ATP2B4: variants seen among roughly 807,000 people sequenced by gnomAD.
The protein encoded by ATP2B4 is ATPase plasma membrane Ca2+ transporting 4.
A neutral mutation model predicts 110.3 loss-of-function variants in ATP2B4; 39 were observed. The observed-to-expected ratio is 0.35, with a 90% CI of 0.27 to 0.46. The LOEUF (loss-of-function observed/expected upper bound fraction) is 0.46. ATP2B4 is among the 20% of genes least tolerant of loss of function. ATP2B4 has a pLI of 1.00. For missense variants in ATP2B4, 1,135 were observed against 1,530.9 expected (o/e 0.74, Z 4.32); for synonymous variants, 538 against 571.7 (o/e 0.94, Z 0.84).
chr1:203,670,068 G>C (rs1406556907), intron 1 of ATP2B4, among the ~76,000 whole-genome samples: 2 of 152,210 alleles, frequency 1.3e-5, no homozygotes, highest in Non-Finnish European at 2.9e-5. Flanking sequence ...TAGTCCATGA[G>C]TTTTGGAAGC....
intron 20 of ATP2B4, chr1:203,728,211 C>T: frequency 2.1e-6 from 1 of 469,972 alleles, no homozygotes; most frequent in Non-Finnish European, 4.4e-6. Context: ...TTCTTCAAGC[C>T]TCTTCCCTTC....
At chr1:203,696,885 T>C (rs1665549406) in intron 2 of ATP2B4, among the ~76,000 whole-genome samples, 2 of 152,012 alleles carry the variant, frequency 1.3e-5, no homozygotes, top group African/African-American at 4.8e-5. Context: ...TGTATGTGGT[T>C]TGTGGTGTGT....
At chr1:203,680,844 T>C (rs940125590) in intron 1 of ATP2B4, among the ~76,000 whole-genome samples, 1 of 152,138 alleles carries the variant, frequency 6.6e-6, no homozygotes, top group Admixed American at 6.5e-5. Context: ...GAAGCAAACA[T>C]TGTAGTGGGT....
chr1:203,737,218 A>T (rs1056355937), intron 20 of ATP2B4, among the ~76,000 whole-genome samples: 1 of 152,012 alleles, frequency 6.6e-6, no homozygotes, highest in African/African-American at 2.4e-5. Context: ...TTACAAATTT[A>T]TTTTCTATAG....
intron 8 of ATP2B4, among the ~76,000 whole-genome samples, chr1:203,705,388 C>T (rs1369414945): frequency 6.6e-6 from 1 of 152,244 alleles, no homozygotes; most frequent in East Asian, 1.9e-4. Context: ...TAATCCTTGC[C>T]TTGTTGTTGT....
Position 203,698,228 on chromosome 1 carries a change from A to G in ATP2B4, c.265A>G (p.Lys89Glu). ...TGGACACAACGTGATCCCCCCCAAA[A>G]AGCCCAAGACTTTCTTAGAATTAGT... ...VFGHNVIPPK[K>E]PKTFLELVWE... The change falls in exon 3 of 21, where the codon AAG becomes GAG. Residue 89 changes from lysine (K) to glutamate (E), a missense_variant. By Grantham distance (56) the Lys-to-Glu change is moderately conservative. Transcript: ENST00000357681. The G allele has an allele frequency of 6.2e-7, 1 of 1,614,176 alleles. No individual in the cohort carries two copies. The highest frequency in any genetic ancestry group is 8.5e-7 in the Non-Finnish European group (1 of 1,180,022).
rs774734577 is a variant in ATP2B4, at chr1:203,721,227, T to C, written c.2629T>C (p.Trp877Arg). ...CCCATTGAAAGCTGTGCAGATGTTG[T>C]GGGTTAATCTGATCATGGACACTTT... ...DSPLKAVQMLWVNLIMDTFAS... is the reference protein window; with the variant it reads ...DSPLKAVQMLRVNLIMDTFAS... The change falls in exon 17 of 21, where the codon TGG becomes CGG. Residue 877 changes from tryptophan (W) to arginine (R), a missense_variant. Coordinates refer to ENST00000357681, the MANE Select transcript of ATP2B4 (RefSeq NM_001684.5). 1.2e-6 allele frequency: 2 copies of C among 1,614,188 alleles called. No homozygotes were observed. Among genetic ancestry groups the C allele is most frequent in the Non-Finnish European group, 1.7e-6 (2 of 1,180,032 alleles).
At position 203,720,695 on chromosome 1, in the gene ATP2B4, T is replaced by C. The variant is rs755669368; in HGVS notation, c.2553T>C (p.Asn851=). 40 of 1,613,890 alleles carry C rather than the reference T, an allele frequency of 2.5e-5. No individual in the cohort carries two copies. Among genetic ancestry groups the C allele is most frequent in the Non-Finnish European group, 3.2e-5 (38 of 1,179,902 alleles). ...SKFLQFQLTV[N]VVAVIVAFTG... The stretch of plus-strand genomic sequence containing the variant: ...TCCTGCAGTTCCAGCTCACTGTCAA[T>C]GTGGTGGCCGTGATTGTAGCCTTCA... The change falls in exon 16 of 21, where the codon AAT becomes AAC. Residue 851 remains asparagine (N), a synonymous_variant. Transcript: ENST00000357681.
At chr1:203,657,395 C>T (rs529440361) in intron 1 of ATP2B4, 12 of 751,076 alleles carry the variant, frequency 1.6e-5, no homozygotes, top group Admixed American at 7.8e-5. Context: ...GAGGGACTTC[C>T]CGTTTTCCCA....
At chr1:203,631,954 C>T (rs868689578) in intron 1 of ATP2B4, among the ~76,000 whole-genome samples, 3 of 151,938 alleles carry the variant, frequency 2.0e-5, no homozygotes, top group African/African-American at 2.4e-5. Context: ...GCCACCACAC[C>T]GGCTAATTTT....
chr1:203,659,855 A>G (rs1664278914), intron 1 of ATP2B4, among the ~76,000 whole-genome samples: 1 of 151,972 alleles, frequency 6.6e-6, no homozygotes, highest in African/African-American at 2.4e-5. Flanking sequence ...AGGCCAAGGC[A>G]GGTGGATCAC....
rs747538498 is a variant in ATP2B4, at chr1:203,709,520, G to A, written c.1777G>A (p.Ala593Thr). 7 of 1,614,014 alleles carry A rather than the reference G, an allele frequency of 4.3e-6. No homozygotes were observed. Among genetic ancestry groups the A allele is most frequent in the African/African-American group, 2.7e-5 (2 of 74,916 alleles). The stretch of plus-strand genomic sequence containing the variant: ...TGGCTTCCGTATGTACAGCAAGGGC[G>A]CCTCTGAGATCATCTTGCGCAAGTG... ...NGGFRMYSKG[A>T]SEIILRKCNR... Residue 593 changes from alanine to threonine, a missense_variant, in exon 11 of 21, where the codon GCC becomes ACC. Around this residue, in one of 9 missense-constraint regions of ATP2B4, gnomAD observed 368 missense variants for 455.9 expected, o/e 0.81. Coordinates refer to ENST00000357681, the MANE Select transcript of ATP2B4 (RefSeq NM_001684.5).
At chr1:203,669,226 G>A (rs959582531) in intron 1 of ATP2B4, among the ~76,000 whole-genome samples, 1 of 152,100 alleles carries the variant, frequency 6.6e-6, no homozygotes, top group African/African-American at 2.4e-5. Flanking sequence ...TTCAGTGATG[G>A]CTCATTCCCC....
At chr1:203,712,215 A>G in intron 13 of ATP2B4, 76 bp downstream of exon 13, 1 of 1,497,062 alleles carries the variant, frequency 6.7e-7, no homozygotes. Context: ...CATCTGGGTC[A>G]TGTGCGGGAA....
intron 19 of ATP2B4, among the ~76,000 whole-genome samples, chr1:203,725,704 G>C (rs1024105522): frequency 4.0e-5 from 6 of 151,826 alleles, no homozygotes; most frequent in African/African-American, 1.2e-4. Flanking sequence ...GCTCTGGCCT[G>C]GGCTATACCT....
chr1:203,705,205 T>G (rs1334600610), intron 8 of ATP2B4, among the ~76,000 whole-genome samples: 1 of 152,250 alleles, frequency 6.6e-6, no homozygotes, highest in Non-Finnish European at 1.5e-5. Flanking sequence ...AAAGATCTAT[T>G]GGACTGAGTT....
At position 203,721,278 on chromosome 1, in the gene ATP2B4, C is replaced by A. The variant is rs77789819; in HGVS notation, c.2680C>A (p.Pro894Thr). 2.5e-6 allele frequency: 4 copies of A among 1,614,210 alleles called. No individual in the cohort carries two copies. The highest frequency in any genetic ancestry group is 2.2e-5 in the East Asian group (1 of 44,878). Residue 894 changes from proline to threonine, a missense_variant, in exon 17 of 21, where the codon CCC becomes ACC. Coordinates refer to ENST00000357681, the MANE Select transcript of ATP2B4 (RefSeq NM_001684.5). ...TFASLALATE[P>T]PTESLLKRRP... ...TGCTTCATTGGCCCTGGCCACAGAGCCCCCTACGGAATCTCTGTTGAAGCG... is the reference window on the plus strand; with the variant it reads ...TGCTTCATTGGCCCTGGCCACAGAGACCCCTACGGAATCTCTGTTGAAGCG...
rs185282302 is a variant in ATP2B4 at position 203,675,438 on chromosome 1, A to G, written c.-464-7304A>G. On this transcript the variant is annotated intron_variant, in intron 1 of 20. Coordinates refer to ENST00000357681, the MANE Select transcript of ATP2B4 (RefSeq NM_001684.5). The stretch of plus-strand genomic sequence containing the variant: ...GATCACCACAGATAATGTTCCAGTG[A>G]ACATCCTTGCACATGCCCCCTCCAG... 7.2e-5 allele frequency among the ~76,000 whole-genome samples: 11 copies of G among 152,242 alleles called. 1 individual carries two copies. The highest frequency in any genetic ancestry group is 7.2e-4 in the Admixed American group (11 of 15,296).
Position 203,714,152 on chromosome 1 carries a change from G to T in ATP2B4, c.2300-19G>T. 1.2e-6 allele frequency: 2 copies of T among 1,611,648 alleles called. No homozygotes were observed. The highest frequency in any genetic ancestry group is 1.7e-6 in the Non-Finnish European group (2 of 1,178,076). ...GGGGAGACCAGAAAAGCTCACTGTG[G>T]TGTGTCTGTTTCTCCCAGGCATAAT... is the stretch of plus-strand genomic sequence containing the variant. On this transcript the variant is annotated intron_variant, in intron 14 of 20. Coordinates refer to ENST00000357681, the MANE Select transcript of ATP2B4 (RefSeq NM_001684.5).
Sources: gnomAD v4.1 joint callset for allele counts (sites outside exome capture counted in the v4.1 genomes callset) on GRCh38, gnomAD v4.1.1 for gene constraint, gnomAD v4.1.1 regional missense constraint, MANE v1.5 for transcripts, NCBI Gene and HGNC (gene_info 2026-07-23, HGNC 2026-07-21) for gene names.